The following SH3RF1 variants were observed in gnomAD, a reference collection of about 807,000 sequenced individuals.
SH3RF1 encodes SH3 domain containing ring finger 1, also known as E3 ubiquitin-protein ligase SH3RF1.
Under a neutral mutation model 74.0 loss-of-function variants are expected in SH3RF1, and 32 were observed. The ratio of observed to expected loss-of-function variants is 0.43; its 90% confidence interval spans 0.33 to 0.58. SH3RF1 has a LOEUF of 0.58. Ranked by LOEUF, SH3RF1 falls within the 20% of genes least tolerant of loss-of-function variation. The pLI is 0.05. For synonymous variants in SH3RF1, 396 were observed against 439.6 expected, an observed-to-expected ratio of 0.90 and a Z score of 1.24; for missense variants, 954 against 1,130.9, an observed-to-expected ratio of 0.84 and a Z score of 2.24.
chr4:169,250,452 T>G (rs1731083191), intron 2 of SH3RF1, among the ~76,000 whole-genome samples: 1 of 152,266 alleles, frequency 6.6e-6, no homozygotes, highest in Non-Finnish European at 1.5e-5. Context: ...CTGTTTCAAT[T>G]TAAACATCTG....
At position 169,163,143 on chromosome 4, in the gene SH3RF1, G is replaced by A. The variant is rs565658391; in HGVS notation, c.394-6464C>T. ...CTAGAGATAAAGGAAAGTAGATAAA[G>A]TAGCTTTCTTACCAATTTCCCTGGG... On this transcript the variant is annotated intron_variant, in intron 2 of 11. Transcript: ENST00000284637. Among the ~76,000 whole-genome samples the A allele has an allele frequency of 2.0e-5, 3 of 151,264 alleles. No individual in the cohort carries two copies. In the South Asian group the frequency reaches 6.3e-4, roughly 32 times the overall value.
At chr4:169,221,639 C>T (rs1256954365) in intron 2 of SH3RF1, among the ~76,000 whole-genome samples, 1 of 152,134 alleles carries the variant, frequency 6.6e-6, no homozygotes, top group African/African-American at 2.4e-5. Flanking sequence ...CACTATGCTC[C>T]TTATAACATA....
intron 2 of SH3RF1, 74 bp from the exon 3 acceptor site, chr4:169,156,753 G>T: frequency 7.1e-7 from 1 of 1,411,140 alleles, no homozygotes; most frequent in Non-Finnish European, 9.6e-7. Context: ...CAACTGCGTT[G>T]TCATTGTTTT....
chr4:169,196,170 A>G (rs146777014), intron 2 of SH3RF1, among the ~76,000 whole-genome samples: 2 of 151,966 alleles, frequency 1.3e-5, no homozygotes, highest in East Asian at 3.9e-4. Flanking sequence ...GCTTTAATGT[A>G]TTTTTTTCTA....
At chr4:169,238,826 T>C (rs565142626) in intron 2 of SH3RF1, among the ~76,000 whole-genome samples, 150 of 152,326 alleles carry the variant, frequency 9.8e-4, no homozygotes, top group African/African-American at 3.6e-3. Flanking sequence ...CTCCTCATAT[T>C]TAGCTCTGTC....
At chr4:169,137,491 T>C (rs912380074) in intron 4 of SH3RF1, among the ~76,000 whole-genome samples, 1 of 152,160 alleles carries the variant, frequency 6.6e-6, no homozygotes, top group African/African-American at 2.4e-5. Flanking sequence ...ATTACAGTAA[T>C]GGAAACATAG....
chr4:169,227,562 T>C (rs958037314), intron 2 of SH3RF1, among the ~76,000 whole-genome samples: 2 of 151,126 alleles, frequency 1.3e-5, no homozygotes, highest in Non-Finnish European at 2.9e-5. Context: ...TGAATTAGCA[T>C]TTGATATTCT....
chr4:169,254,165 T>A (rs926023239), intron 2 of SH3RF1, among the ~76,000 whole-genome samples: 7 of 152,212 alleles, frequency 4.6e-5, no homozygotes, highest in African/African-American at 1.7e-4. Flanking sequence ...AGGATGTGAA[T>A]GTGTTCCGAT....
At chr4:169,164,281 A>G (rs548126281) in intron 2 of SH3RF1, among the ~76,000 whole-genome samples, 1 of 152,350 alleles carries the variant, frequency 6.6e-6, no homozygotes, top group African/African-American at 2.4e-5. Context: ...TAATGAAAGA[A>G]CAAAAGTTAT....
At chr4:169,136,767 T>C (rs1561033579) in intron 4 of SH3RF1, 147 bp from the exon 5 acceptor site, 1 of 642,152 alleles carries the variant, frequency 1.6e-6, no homozygotes, top group Non-Finnish European at 2.4e-6. Context: ...CCATGTGAGA[T>C]ATCTCTTCTC....
chr4:169,193,467 A>G lies in SH3RF1; in HGVS notation c.394-36788T>C, dbSNP rs1734761858. On this transcript the variant is annotated intron_variant, in intron 2 of 11. Transcript: ENST00000284637. The stretch of plus-strand genomic sequence containing the variant: ...GGGATATTTATTCTTTTAAACATAA[A>G]TAAGTGCCTGCAGCTATTCCAGGGC... 2.0e-5 allele frequency among the ~76,000 whole-genome samples: 3 copies of G among 152,188 alleles called. No homozygotes were observed. In the South Asian group the frequency reaches 6.2e-4, roughly 32 times the overall value.
chr4:169,175,048 T>G lies in SH3RF1; in HGVS notation c.394-18369A>C, dbSNP rs188041790. Among the ~76,000 whole-genome samples the G allele has an allele frequency of 3.9e-5, 6 of 152,282 alleles. No individual in the cohort carries two copies. The East Asian group carries it at 1.2e-3, about 29-fold the overall frequency. ...ACCAGTTTTCCCCAATGTTGGTAAA[T>G]AGCCCACTGTTCACCTCGTTGCTTG... is the stretch of plus-strand genomic sequence containing the variant. On this transcript the variant is annotated intron_variant, in intron 2 of 11. Transcript: ENST00000284637.
At chr4:169,247,765 T>C (rs916240708) in intron 2 of SH3RF1, among the ~76,000 whole-genome samples, 2 of 150,088 alleles carry the variant, frequency 1.3e-5, no homozygotes, top group African/African-American at 2.4e-5. Flanking sequence ...AGGGCTAATA[T>C]CCAGAATCTA....
intron 2 of SH3RF1, 48 bp from the exon 3 acceptor site, chr4:169,156,727 A>G (rs1284432738): frequency 1.3e-6 from 2 of 1,499,690 alleles, no homozygotes; most frequent in South Asian, 2.7e-5. Context: ...ATGGTCTTAA[A>G]ATGTCTCTGA....
chr4:169,118,853 T>A (rs1733388225), intron 8 of SH3RF1, among the ~76,000 whole-genome samples: 1 of 152,198 alleles, frequency 6.6e-6, no homozygotes, highest in South Asian at 2.1e-4. Context: ...CCTGTATTCA[T>A]CCTGTATTTG....
chr4:169,220,842 T>G (rs1730554501), intron 2 of SH3RF1, among the ~76,000 whole-genome samples: 1 of 152,208 alleles, frequency 6.6e-6, no homozygotes, highest in African/African-American at 2.4e-5. Context: ...TACATTGTAT[T>G]AGGTTAGTAT....
chr4:169,097,633 C>T (rs186852799), intron 11 of SH3RF1, among the ~76,000 whole-genome samples: 18 of 152,254 alleles, frequency 1.2e-4, no homozygotes, highest in Non-Finnish European at 2.5e-4. Flanking sequence ...ATTTGCATTA[C>T]TCCTCTTCTC....
chr4:169,225,679 A>C (rs942537868), intron 2 of SH3RF1, among the ~76,000 whole-genome samples: 16 of 152,212 alleles, frequency 1.1e-4, no homozygotes, highest in Non-Finnish European at 2.9e-5. Flanking sequence ...ATGAGCCTAC[A>C]CTATTTTTCA....
At chr4:169,223,688 G>A (rs1037189907) in intron 2 of SH3RF1, among the ~76,000 whole-genome samples, 3 of 152,110 alleles carry the variant, frequency 2.0e-5, no homozygotes, top group Non-Finnish European at 4.4e-5. Context: ...ATGGGGTGAT[G>A]GGCAAGCATA....
Sources: allele counts gnomAD v4.1 joint callset (sites outside exome capture counted in the v4.1 genomes callset), GRCh38; gene constraint gnomAD v4.1.1; transcripts MANE v1.5; gene names NCBI Gene and HGNC (gene_info 2026-07-23, HGNC 2026-07-21).